ANOS1: variants seen among roughly 807,000 people sequenced by gnomAD.
The protein encoded by ANOS1 is anosmin-1.
Under a neutral mutation model 59.0 loss-of-function variants are expected in ANOS1, and 6 were observed. That is an observed-to-expected ratio of 0.10 (90% CI 0.06 to 0.20). ANOS1 has a LOEUF of 0.20. ANOS1 is among the 10% of genes least tolerant of loss of function. The probability of loss-of-function intolerance (pLI) is 1.00; values close to 1 mark genes in which losing one functional copy is unlikely to be tolerated. For missense variants in ANOS1, 433 were observed against 542.3 expected (o/e 0.80, Z 2.00); for synonymous variants, 217 against 223.4 (o/e 0.97, Z 0.25).
chrX:8,718,784 C>T (rs773790030), intron 1 of ANOS1, among the ~76,000 whole-genome samples: 3 of 111,689 alleles, frequency 2.7e-5, no homozygotes, highest in Non-Finnish European at 5.6e-5. Flanking sequence ...GGCACAATTA[C>T]GCCTCTAGGT....
At chrX:8,587,532 T>C (rs1930539497) in intron 5 of ANOS1, among the ~76,000 whole-genome samples, 1 of 111,905 alleles carries the variant, frequency 8.9e-6, no homozygotes, top group Admixed American at 9.5e-5. Context: ...AGAAAATACA[T>C]GTGAATAATC....
intron 2 of ANOS1, among the ~76,000 whole-genome samples, chrX:8,685,785 C>T (rs910664377): frequency 9.0e-6 from 1 of 111,657 alleles, no homozygotes; most frequent in Non-Finnish European, 1.9e-5. Flanking sequence ...TTTTCCCCCA[C>T]ACAAATGGAA....
chrX:8,550,163 G>A (rs1929833115), intron 9 of ANOS1, among the ~76,000 whole-genome samples: 1 of 111,678 alleles, frequency 9.0e-6, no homozygotes, highest in Non-Finnish European at 1.9e-5. Context: ...TGGATTCACA[G>A]TCAATATATG....
At chrX:8,609,742 T>C (rs1569062261) in intron 3 of ANOS1, among the ~76,000 whole-genome samples, 1 of 110,762 alleles carries the variant, frequency 9.0e-6, no homozygotes, top group Non-Finnish European at 1.9e-5. Context: ...GCATGGTGGC[T>C]CATGCCTGTA....
At chrX:8,563,565 T>C (rs1374833951) in intron 8 of ANOS1, among the ~76,000 whole-genome samples, 1 of 112,415 alleles carries the variant, frequency 8.9e-6, no homozygotes, top group Non-Finnish European at 1.9e-5. Flanking sequence ...TGTCCAACCT[T>C]GGTTGTTCCA....
At chrX:8,581,341 C>T (rs767890844) in intron 6 of ANOS1, among the ~76,000 whole-genome samples, 56 of 111,671 alleles carry the variant, frequency 5.0e-4, no homozygotes, top group African/African-American at 1.6e-3. Context: ...TTTTGCCTCC[C>T]ACCATGATTC....
intron 2 of ANOS1, among the ~76,000 whole-genome samples, chrX:8,668,664 T>C (rs1932205011): frequency 9.3e-6 from 1 of 107,522 alleles, no homozygotes; most frequent in East Asian, 2.9e-4. Context: ...ATTTTTACAA[T>C]TGTGAATTGA....
intron 2 of ANOS1, among the ~76,000 whole-genome samples, chrX:8,675,040 G>C (rs1206688590): frequency 1.8e-5 from 2 of 111,579 alleles, no homozygotes; most frequent in Non-Finnish European, 3.8e-5. Flanking sequence ...TGGTGGAAGA[G>C]TCATTTTTCC....
chrX:8,645,564 C>CT (rs1931739278), intron 2 of ANOS1, among the ~76,000 whole-genome samples: 1 of 111,824 alleles, frequency 8.9e-6, no homozygotes, highest in South Asian at 3.7e-4. Context: ...AATGTGTTCT[C>CT]TTTAAGCTTT....
chrX:8,692,067 A>G (rs1206402170), intron 2 of ANOS1, among the ~76,000 whole-genome samples: 1 of 111,834 alleles, frequency 8.9e-6, no homozygotes, highest in Non-Finnish European at 1.9e-5. Flanking sequence ...GTGTGAATGT[A>G]ATGTCATAGA....
At chrX:8,653,343 A>G (rs1259169938) in intron 2 of ANOS1, among the ~76,000 whole-genome samples, 1 of 111,393 alleles carries the variant, frequency 9.0e-6, no homozygotes, top group East Asian at 2.8e-4. Flanking sequence ...GAACAGGTCT[A>G]CATGAACCCA....
intron 4 of ANOS1, among the ~76,000 whole-genome samples, chrX:8,591,076 G>A (rs955991222): frequency 5.4e-5 from 6 of 111,611 alleles, no homozygotes; most frequent in African/African-American, 9.8e-5. Flanking sequence ...ATTCCTGATC[G>A]GAGAGAAAAC....
chrX:8,591,509 G>A (rs1395338288), intron 4 of ANOS1, among the ~76,000 whole-genome samples: 2 of 111,865 alleles, frequency 1.8e-5, no homozygotes, highest in African/African-American at 6.5e-5. Flanking sequence ...TCGCTGTAAG[G>A]TTTTAATCTT....
At chrX:8,661,676 G>A (rs1369516611) in intron 2 of ANOS1, among the ~76,000 whole-genome samples, 1 of 111,592 alleles carries the variant, frequency 9.0e-6, no homozygotes, top group Non-Finnish European at 1.9e-5. Context: ...GCCTAGAAGG[G>A]TTGCAGCCAT....
intron 4 of ANOS1, among the ~76,000 whole-genome samples, chrX:8,591,418 T>C (rs1346066923): frequency 9.0e-6 from 1 of 111,201 alleles, no homozygotes; most frequent in African/African-American, 3.3e-5. Context: ...TGTATAATCT[T>C]CTAGAGTAAA....
intron 9 of ANOS1, among the ~76,000 whole-genome samples, chrX:8,542,296 C>T (rs1601947226): frequency 1.8e-5 from 2 of 111,672 alleles, no homozygotes; most frequent in African/African-American, 6.5e-5. Context: ...ATTTCTGCAC[C>T]TCAACTGCTC....
chrX:8,582,734 G>A lies in ANOS1; in HGVS notation c.856+2533C>T, dbSNP rs188145937. Among the ~76,000 whole-genome samples the A allele has an allele frequency of 4.5e-5, 5 of 111,495 alleles. No homozygotes were observed. In the East Asian group the frequency reaches 1.4e-3, roughly 32 times the overall value. On this transcript the variant is annotated intron_variant, in intron 6 of 13. Coordinates refer to ENST00000262648, the MANE Select transcript of ANOS1 (RefSeq NM_000216.4). ...ACCCAGGATCCGGAAGTGGGGATCCGAAAGCAGGAATGAGGGGCCAGGATC... is the reference window on the plus strand; with the variant it reads ...ACCCAGGATCCGGAAGTGGGGATCCAAAAGCAGGAATGAGGGGCCAGGATC...
intron 8 of ANOS1, among the ~76,000 whole-genome samples, chrX:8,563,091 T>A (rs892756922): frequency 8.9e-6 from 1 of 112,358 alleles, no homozygotes; most frequent in African/African-American, 3.2e-5. Context: ...TTCAACTGTA[T>A]CCTACATAAT....
chrX:8,535,926 T>C (rs1484402733), intron 11 of ANOS1, 115 bp from the exon 12 acceptor site: 3 of 581,730 alleles, frequency 5.2e-6, no homozygotes, highest in Admixed American at 5.2e-5. Flanking sequence ...ATAGAAGCAA[T>C]GTGACCTTGT....
Sources: gnomAD v4.1 joint callset for allele counts (sites outside exome capture counted in the v4.1 genomes callset) on GRCh38, gnomAD v4.1.1 for gene constraint, MANE v1.5 for transcripts, NCBI Gene and HGNC (gene_info 2026-07-23, HGNC 2026-07-21) for gene names.